Variants in WDR17 observed in about 807,000 individuals in gnomAD.
The protein encoded by WDR17 is WD repeat domain 17.
In WDR17, 143 loss-of-function variants were observed where a neutral mutation model predicts 161.7. The ratio of observed to expected loss-of-function variants is 0.88; its 90% confidence interval spans 0.77 to 1.02. The LOEUF (loss-of-function observed/expected upper bound fraction) is 1.02, where lower values mean the gene tolerates loss of function less well. WDR17 is among the 50% of genes least tolerant of loss of function. WDR17 has a pLI of 0.00. For missense variants in WDR17, 1,469 were observed against 1,520.9 expected (o/e 0.97, Z 0.57); for synonymous variants, 517 against 515.6 (o/e 1.00, Z -0.04).
intron 5 of WDR17, among the ~76,000 whole-genome samples, chr4:176,127,086 C>T (rs1050181262): frequency 5.3e-5 from 8 of 151,988 alleles, no homozygotes; most frequent in Admixed American, 2.0e-4. Context: ...TTAAAGTATA[C>T]GAGAAAATAT....
chr4:176,112,170 C>G (rs1739873874), intron 2 of WDR17, among the ~76,000 whole-genome samples: 1 of 152,174 alleles, frequency 6.6e-6, no homozygotes, highest in Admixed American at 6.5e-5. Flanking sequence ...AATTCAAAGT[C>G]AGTATCTCAG....
chr4:176,083,813 G>A (rs1735065119), intron 1 of WDR17, among the ~76,000 whole-genome samples: 1 of 152,210 alleles, frequency 6.6e-6, no homozygotes, highest in Non-Finnish European at 1.5e-5. Flanking sequence ...ATGAGTTTCA[G>A]TTACTCTGCA....
chr4:176,146,153 A>T lies in WDR17; in HGVS notation c.1688A>T (p.Asp563Val). Residue 563 changes from aspartate to valine, a missense_variant, in exon 12 of 29, where the codon GAT (aspartate) becomes GTT (valine). Transcript: ENST00000508596. Reference sequence around the variant, plus strand: ...GAGGGAATTCTTTGCAGTGGTTCTGATGATGGGTATGTATTTTTGGATTCT... The same window carrying T: ...GAGGGAATTCTTTGCAGTGGTTCTGTTGATGGGTATGTATTTTTGGATTCT... The part of the protein sequence containing the change: ...LREGILCSGS[D>V]DGTVRIWDYT... 1 of 1,612,408 alleles carries T rather than the reference A, an allele frequency of 6.2e-7. No homozygotes were observed. Among genetic ancestry groups the T allele is most frequent in the Non-Finnish European group, 8.5e-7 (1 of 1,179,304 alleles).
At chr4:176,069,287 A>C (rs1467782391) in intron 1 of WDR17, among the ~76,000 whole-genome samples, 4 of 151,972 alleles carry the variant, frequency 2.6e-5, no homozygotes, top group Non-Finnish European at 5.9e-5. Flanking sequence ...CTTACTTTTT[A>C]TTATGTTAAA....
chr4:176,100,383 T>C (rs962926523), intron 1 of WDR17, among the ~76,000 whole-genome samples: 1 of 152,200 alleles, frequency 6.6e-6, no homozygotes, highest in Non-Finnish European at 1.5e-5. Context: ...ATGTCTTCTT[T>C]AGAAAAATGT....
chr4:176,125,238 C>T lies in WDR17; in HGVS notation c.673C>T (p.Arg225Cys), dbSNP rs770285329. 48 of 1,613,992 alleles carry T rather than the reference C, an allele frequency of 3.0e-5. No homozygotes were observed. The highest frequency in any genetic ancestry group is 8.0e-5 in the African/African-American group (6 of 74,900). The change falls in exon 5 of 29, where the codon CGC (arginine) becomes TGC (cysteine). Residue 225 changes from arginine to cysteine, a missense_variant. Arg to Cys is a radical substitution (Grantham distance 180). Coordinates refer to ENST00000508596, the MANE Select transcript of WDR17 (RefSeq NM_181265.4). ...LLVVNLHYGI[R>C]LVDSESLSCI... is the part of the protein sequence containing the mutation. The stretch of plus-strand genomic sequence containing the variant: ...AGTGGTTAATTTGCATTATGGAATT[C>T]GCCTGGTAGATTCTGAATCACTTTC...
intron 6 of WDR17, among the ~76,000 whole-genome samples, chr4:176,130,922 T>C (rs1354989199): frequency 1.3e-5 from 2 of 151,932 alleles, no homozygotes; most frequent in African/African-American, 2.4e-5. Context: ...GGATAAATAA[T>C]ATATAAAAAT....
At position 176,177,071 on chromosome 4, in the gene WDR17, C is replaced by T. The variant is rs145946017; in HGVS notation, c.3463C>T (p.Arg1155Cys). The T allele has an allele frequency of 7.0e-5, 113 of 1,613,440 alleles. No individual in the cohort carries two copies. Among genetic ancestry groups the T allele is most frequent in the Admixed American group, 1.5e-4 (9 of 59,962 alleles). The change falls in exon 27 of 29, where the codon CGT becomes TGT. Residue 1155 changes from arginine (R) to cysteine (C), a missense_variant. Coordinates refer to ENST00000508596, the MANE Select transcript of WDR17 (RefSeq NM_181265.4). ...TCACACGTTCAGTCAGCTATTAAAACGTCGGGAGGTGTCAGTACCTTTAAA... is the reference window on the plus strand; with the variant it reads ...TCACACGTTCAGTCAGCTATTAAAATGTCGGGAGGTGTCAGTACCTTTAAA... ...LYEYTSQLLK[R>C]REVSVPLKIE...
Position 176,139,969 on chromosome 4 carries a change from T to A in WDR17, c.1437T>A (p.Gly479=), listed in dbSNP as rs1180910853. The change falls in exon 10 of 29, where the codon GGT becomes GGA. Residue 479 remains glycine, a synonymous_variant. Transcript: ENST00000508596. ...GAATAGCAACCTGCAGCAGTGATGG[T>A]TTCTGGTAAGTACTATGTATGATAC... ...SKRIATCSSD[G]FCIIRTIDGK... The A allele has an allele frequency of 6.2e-7, 1 of 1,610,538 alleles. No homozygotes were observed. The highest frequency in any genetic ancestry group is 1.1e-5 in the South Asian group (1 of 90,772).
chr4:176,109,922 G>C (rs1446266630), intron 1 of WDR17, among the ~76,000 whole-genome samples: 2 of 152,074 alleles, frequency 1.3e-5, no homozygotes, highest in Admixed American at 6.5e-5. Context: ...CAATATATTA[G>C]TCACGTAAAA....
At chr4:176,111,500 A>T (rs956900872) in intron 1 of WDR17, 75 bp from the exon 2 acceptor site, 2 of 1,506,796 alleles carry the variant, frequency 1.3e-6, no homozygotes, top group African/African-American at 2.8e-5. Flanking sequence ...AGGGTTGGGG[A>T]AGATAGATGT....
intron 26 of WDR17, among the ~76,000 whole-genome samples, chr4:176,176,691 C>T (rs1223390065): frequency 6.6e-6 from 1 of 152,204 alleles, no homozygotes; most frequent in Non-Finnish European, 1.5e-5. Flanking sequence ...TGTTCTCTTT[C>T]TGTCATTCAA....
At chr4:176,071,361 C>T (rs1191714838) in intron 1 of WDR17, among the ~76,000 whole-genome samples, 1 of 143,932 alleles carries the variant, frequency 6.9e-6, no homozygotes, top group Non-Finnish European at 1.5e-5. Context: ...CTCACTCTGT[C>T]GCCCAGGCTG....
At chr4:176,124,964 C>A in intron 4 of WDR17, 140 bp from the exon 5 acceptor site, 1 of 930,624 alleles carries the variant, frequency 1.1e-6, no homozygotes, top group Non-Finnish European at 1.6e-6. Context: ...ATGTCAGTTA[C>A]GCCTTCTGCA....
At chr4:176,120,146 T>C (rs968422320) in intron 4 of WDR17, 49 bp downstream of exon 4, 3 of 1,427,868 alleles carry the variant, frequency 2.1e-6, no homozygotes, top group Admixed American at 2.1e-5. Flanking sequence ...TTTTCTTATA[T>C]ATAATTTTGT....
At chr4:176,066,674 T>C (rs981108157) in intron 1 of WDR17, among the ~76,000 whole-genome samples, 1 of 152,158 alleles carries the variant, frequency 6.6e-6, no homozygotes, top group Non-Finnish European at 1.5e-5. Context: ...ACTTTTTAAA[T>C]ATATTAATTA....
chr4:176,089,323 T>A (rs9993539), intron 1 of WDR17, among the ~76,000 whole-genome samples: 4,710 of 152,288 alleles, frequency 0.031, 198 homozygotes, highest in African/African-American at 0.097. Flanking sequence ...TATTTTAACT[T>A]ACTATAAATG....
At chr4:176,115,517 T>C (rs942378413) in intron 2 of WDR17, among the ~76,000 whole-genome samples, 5 of 151,936 alleles carry the variant, frequency 3.3e-5, no homozygotes, top group African/African-American at 9.7e-5. Context: ...ATAATAAAGC[T>C]CTAAATTATT....
intron 4 of WDR17, among the ~76,000 whole-genome samples, 191 bp downstream of exon 4, chr4:176,120,288 T>TTATATATATATATATATATATATA (rs33940735): frequency 1.0e-4 from 14 of 136,530 alleles, no homozygotes; most frequent in African/African-American, 3.6e-4. Context: ...ATTTGAAGTT[T>TTATATATATATATATATATATATA]TATATATATA....
Sources: gnomAD v4.1 joint callset for allele counts (sites outside exome capture counted in the v4.1 genomes callset) on GRCh38, gnomAD v4.1.1 for gene constraint, MANE v1.5 for transcripts, NCBI Gene and HGNC (gene_info 2026-07-23, HGNC 2026-07-21) for gene names.